RIN2: variants seen among roughly 807,000 people sequenced by gnomAD.
RIN2 encodes RAB5 interacting protein 2.
A neutral mutation model predicts 78.0 loss-of-function variants in RIN2; 36 were observed. The ratio of observed to expected loss-of-function variants is 0.46; its 90% CI spans 0.35 to 0.61. The LOEUF (loss-of-function observed/expected upper bound fraction) is 0.61, where lower values mean the gene tolerates loss of function less well. RIN2 is among the 20% of genes least tolerant of loss of function. The pLI is 0.00. For synonymous variants in RIN2, 466 were observed against 466.8 expected (o/e 1.00, Z 0.02); for missense variants, 1,087 against 1,159.7 (o/e 0.94, Z 0.91).
At chr20:19,944,065 G>A (rs2040990709) in intron 4 of RIN2, among the ~76,000 whole-genome samples, 3 of 144,890 alleles carry the variant, frequency 2.1e-5, no homozygotes. Flanking sequence ...ATGTCTGAAG[G>A]TGTTAAGAAA....
chr20:19,816,934 T>C (rs2035783945), intron 2 of RIN2, among the ~76,000 whole-genome samples: 1 of 152,196 alleles, frequency 6.6e-6, no homozygotes, highest in South Asian at 2.1e-4. Flanking sequence ...TATCATAATA[T>C]ACTGTGTATT....
At chr20:19,938,195 C>T (rs1402609556) in intron 4 of RIN2, among the ~76,000 whole-genome samples, 5 of 152,094 alleles carry the variant, frequency 3.3e-5, no homozygotes, top group African/African-American at 1.2e-4. Flanking sequence ...TTGATCCCCT[C>T]CTTTTCTTTT....
At chr20:19,972,044 G>A (rs1025943255) in intron 8 of RIN2, among the ~76,000 whole-genome samples, 2 of 152,156 alleles carry the variant, frequency 1.3e-5, no homozygotes, top group African/African-American at 4.8e-5. Context: ...GCTCGGCCAT[G>A]AAACTTAGAT....
At chr20:19,768,034 C>A (rs1408574031) in intron 1 of RIN2, among the ~76,000 whole-genome samples, 1 of 152,012 alleles carries the variant, frequency 6.6e-6, no homozygotes, top group East Asian at 1.9e-4. Flanking sequence ...AAGAACTGTA[C>A]CTGCAGGACA....
intron 2 of RIN2, among the ~76,000 whole-genome samples, chr20:19,808,923 C>A (rs945838356): frequency 2.6e-5 from 4 of 152,186 alleles, no homozygotes; most frequent in African/African-American, 9.6e-5. Context: ...TAAAGGGATG[C>A]GGTCCAGGGC....
At position 19,823,476 on chromosome 20, in the gene RIN2, G is replaced by A. The variant is rs57940950; in HGVS notation, c.-37+23729G>A. 3,892 of 809,888 alleles carry A rather than the reference G, an allele frequency of 4.8e-3. 100 individuals are homozygous for A. In the African/African-American group the frequency reaches 0.058, roughly 12 times the overall value. 50.2% of individuals were successfully genotyped at this position (809,888 alleles called of 1,614,324 possible). A position where few individuals can be genotyped will look rare whatever the true frequency, so the allele number is the denominator to read the frequency against. The stretch of plus-strand genomic sequence containing the variant: ...TAGCTGGGCATTCTACAGCACCACT[G>A]TTGATGTCATCTATGATGTCATGAG... On this transcript the variant is annotated intron_variant, in intron 2 of 12. Coordinates refer to ENST00000255006, the MANE Select transcript of RIN2 (RefSeq NM_018993.4).
chr20:19,948,646 A>G (rs1430974801), intron 4 of RIN2, among the ~76,000 whole-genome samples: 3 of 152,064 alleles, frequency 2.0e-5, no homozygotes, highest in African/African-American at 7.2e-5. Flanking sequence ...TATTTGTTTG[A>G]AATCACTTTT....
intron 12 of RIN2, among the ~76,000 whole-genome samples, 164 bp downstream of exon 12, chr20:19,997,006 C>T (rs192230075): frequency 6.6e-6 from 1 of 152,266 alleles, no homozygotes; most frequent in Non-Finnish European, 1.5e-5. Flanking sequence ...GTTTTCTTTA[C>T]ATTTATATAC....
At chr20:19,902,594 G>A (rs1400013551) in intron 3 of RIN2, among the ~76,000 whole-genome samples, 1 of 152,194 alleles carries the variant, frequency 6.6e-6, no homozygotes, top group Non-Finnish European at 1.5e-5. Flanking sequence ...CAGAGGCATA[G>A]GAGGTTCTCA....
intron 2 of RIN2, chr20:19,889,251 T>A: frequency 1.9e-6 from 2 of 1,034,900 alleles, no homozygotes; most frequent in Non-Finnish European, 2.3e-6. Context: ...TGGGGACATC[T>A]AATATTGGGT....
At chr20:19,789,063 A>G (rs1344820746) in intron 1 of RIN2, among the ~76,000 whole-genome samples, 1 of 152,252 alleles carries the variant, frequency 6.6e-6, no homozygotes, top group Non-Finnish European at 1.5e-5. Context: ...ACAAGGATAG[A>G]CAAATAGGTA....
chr20:19,916,479 C>T (rs1046828370), intron 3 of RIN2, among the ~76,000 whole-genome samples: 12 of 151,886 alleles, frequency 7.9e-5, no homozygotes, highest in Non-Finnish European at 1.6e-4. Context: ...ATTAGCTGGG[C>T]GTGGTGGCAC....
Position 19,867,091 on chromosome 20 carries a change from G to C in RIN2, c.-36-22475G>C, listed in dbSNP as rs187943057. Among the ~76,000 whole-genome samples the C allele has an allele frequency of 7.9e-5, 12 of 151,982 alleles. No homozygotes were observed. The East Asian group carries it at 1.9e-3, about 25-fold the overall frequency. ...ACAAAGTTTGCAAGTATAGTACAGA[G>C]ACTCATAAGATGTCAGTTATCCAGA... On this transcript the variant is annotated intron_variant, in intron 2 of 12. Coordinates refer to ENST00000255006, the MANE Select transcript of RIN2 (RefSeq NM_018993.4).
At chr20:19,931,498 A>G (rs537355556) in intron 3 of RIN2, among the ~76,000 whole-genome samples, 82 of 152,314 alleles carry the variant, frequency 5.4e-4, no homozygotes, top group Non-Finnish European at 1.1e-3. Context: ...ACATGTTATC[A>G]ATATAAACAT....
At chr20:19,963,616 A>C (rs926356909) in intron 6 of RIN2, among the ~76,000 whole-genome samples, 3 of 152,008 alleles carry the variant, frequency 2.0e-5, no homozygotes, top group South Asian at 2.1e-4. Flanking sequence ...TCTCCAAAAA[A>C]AAAAAAAAAG....
At chr20:19,908,534 G>C (rs958607339) in intron 3 of RIN2, among the ~76,000 whole-genome samples, 6 of 152,062 alleles carry the variant, frequency 3.9e-5, no homozygotes, top group South Asian at 4.2e-4. Context: ...GGACATCAAG[G>C]GGGTGGGGAG....
At chr20:19,953,691 A>T (rs1418236147) in intron 4 of RIN2, among the ~76,000 whole-genome samples, 1 of 151,834 alleles carries the variant, frequency 6.6e-6, no homozygotes, top group Admixed American at 6.6e-5. Flanking sequence ...CTGCCTCCCA[A>T]AGTGCTGGGA....
intron 2 of RIN2, among the ~76,000 whole-genome samples, chr20:19,876,434 CCTAA>C (rs1194484494): frequency 1.3e-5 from 2 of 152,112 alleles, no homozygotes; most frequent in African/African-American, 2.4e-5. Context: ...AGGAAAGACT[CCTAA>C]CTAAGAGAAT....
intron 2 of RIN2, among the ~76,000 whole-genome samples, chr20:19,826,195 A>ACAT (rs2036084900): frequency 6.6e-6 from 1 of 152,188 alleles, no homozygotes; most frequent in African/African-American, 2.4e-5. Flanking sequence ...GTGAGTGACT[A>ACAT]TTTGCATGAA....
Sources: allele counts gnomAD v4.1 joint callset (sites outside exome capture counted in the v4.1 genomes callset), GRCh38; gene constraint gnomAD v4.1.1; transcripts MANE v1.5; gene names NCBI Gene and HGNC (gene_info 2026-07-23, HGNC 2026-07-21).